LAP3: variants seen among roughly 807,000 people sequenced by gnomAD.
LAP3 encodes the protein leucine aminopeptidase 3, also known as cytosol aminopeptidase.
A neutral mutation model predicts 58.8 loss-of-function variants in LAP3; 46 were observed. The ratio of observed to expected loss-of-function variants is 0.78; its 90% CI spans 0.62 to 1.00. The LOEUF (loss-of-function observed/expected upper bound fraction) is 1.00, where lower values mean the gene tolerates loss of function less well. Among genes scored for constraint, LAP3 ranks in the 50% least tolerant of loss-of-function variants. The pLI is 0.00. For synonymous variants in LAP3, 257 were observed against 237.7 expected (o/e 1.08, Z -0.75); for missense variants, 615 against 659.1 (o/e 0.93, Z 0.73).
intron 10 of LAP3, among the ~76,000 whole-genome samples, chr4:17,601,077 C>CT: frequency 6.6e-6 from 1 of 152,270 alleles, no homozygotes; most frequent in East Asian, 1.9e-4. Flanking sequence ...CACAGTGTTT[C>CT]TTTTCATTTT....
chr4:17,578,816 G>T (rs1230712053), intron 1 of LAP3, among the ~76,000 whole-genome samples: 1 of 152,154 alleles, frequency 6.6e-6, no homozygotes, highest in Non-Finnish European at 1.5e-5. Context: ...TAGGAAGTTG[G>T]TACTTCTCTT....
intron 7 of LAP3, among the ~76,000 whole-genome samples, chr4:17,594,726 A>G (rs1713786298): frequency 6.6e-6 from 1 of 152,176 alleles, no homozygotes; most frequent in African/African-American, 2.4e-5. Flanking sequence ...CATCAGCAGG[A>G]TATAGCACAC....
chr4:17,598,539 C>T lies in LAP3; in HGVS notation c.1161C>T (p.Leu387=), dbSNP rs1341284936. 1.2e-6 allele frequency: 2 copies of T among 1,613,722 alleles called. No homozygotes were observed. Among genetic ancestry groups the T allele is most frequent in the African/African-American group, 1.3e-5 (1 of 74,900 alleles). The change falls in exon 10 of 13, where the codon CTC becomes CTT. Residue 387 remains leucine, a synonymous_variant. Coordinates refer to ENST00000226299, the MANE Select transcript of LAP3 (RefSeq NM_015907.3). ...YAHTFNPKVI[L]NAATLTGAMD... ...ACACGTTTAACCCGAAGGTCATCCTCAATGCCGCCACCTTAACAGGTCAGA... is the reference window on the plus strand; with the variant it reads ...ACACGTTTAACCCGAAGGTCATCCTTAATGCCGCCACCTTAACAGGTCAGA...
intron 9 of LAP3, among the ~76,000 whole-genome samples, chr4:17,597,508 A>T (rs1713861068): frequency 6.6e-6 from 1 of 152,142 alleles, no homozygotes; most frequent in Non-Finnish European, 1.5e-5. Flanking sequence ...GACTCAAGTG[A>T]TCTGCCCACC....
chr4:17,579,211 A>G (rs1713287341), intron 1 of LAP3, among the ~76,000 whole-genome samples: 1 of 152,162 alleles, frequency 6.6e-6, no homozygotes, highest in South Asian at 2.1e-4. Context: ...TGACTAGGAA[A>G]TCATATGGGG....
At chr4:17,582,010 G>C in intron 3 of LAP3, 196 bp downstream of exon 3, 1 of 598,108 alleles carries the variant, frequency 1.7e-6, no homozygotes, top group Non-Finnish European at 2.9e-6. Flanking sequence ...CAATCTGAAG[G>C]CTTTCTTTAT....
intron 7 of LAP3, among the ~76,000 whole-genome samples, chr4:17,589,872 G>A (rs1713635548): frequency 6.6e-6 from 1 of 152,140 alleles, no homozygotes; most frequent in Non-Finnish European, 1.5e-5. Flanking sequence ...TCTTCCCTTT[G>A]CTTGCTTCAG....
intron 9 of LAP3, 29 bp downstream of exon 9, chr4:17,597,163 C>G: frequency 6.3e-7 from 1 of 1,574,932 alleles, no homozygotes; most frequent in Non-Finnish European, 8.7e-7. Context: ...CAGCACTCCC[C>G]ATCCAGCGTT....
In LAP3 at chr4:17,604,608, G is replaced by T. The variant is rs773679297; in HGVS notation, c.1201G>T (p.Gly401Ter). ...TACAGGTGCCATGGATGTAGCTTTG[G>T]GATCAGGTGCCACTGGGGTCTTTAC... is the stretch of plus-strand genomic sequence containing the variant. ...TLTGAMDVAL[G>*]SGATGVFTNS... The change falls in exon 11 of 13, where the codon GGA becomes TGA. Residue 401 changes from glycine (G) to a stop codon, truncating the protein, a stop_gained. Transcript: ENST00000226299. LOFTEE classifies it high-confidence loss of function. 5 of 1,614,024 alleles carry T rather than the reference G, an allele frequency of 3.1e-6. No homozygotes were observed. Among genetic ancestry groups the T allele is most frequent in the Non-Finnish European group, 4.2e-6 (5 of 1,179,968 alleles).
At chr4:17,589,402 T>C (rs896724786) in intron 7 of LAP3, among the ~76,000 whole-genome samples, 2 of 152,052 alleles carry the variant, frequency 1.3e-5, no homozygotes, top group African/African-American at 4.8e-5. Flanking sequence ...TGGTTGAAGG[T>C]ATACATTACT....
chr4:17,602,476 CAGCCAATGGGACA>C (rs1714005233), intron 10 of LAP3, among the ~76,000 whole-genome samples: 2 of 152,114 alleles, frequency 1.3e-5, no homozygotes, highest in Admixed American at 1.3e-4. Flanking sequence ...AAATAGAAGT[CAGCCAATGGGACA>C]CAACTTTGTT....
chr4:17,597,161 C>T (rs1713851426), intron 9 of LAP3, 27 bp downstream of exon 9: 1 of 1,582,064 alleles, frequency 6.3e-7, no homozygotes, highest in Non-Finnish European at 8.7e-7. Flanking sequence ...CACAGCACTC[C>T]CCATCCAGCG....
At chr4:17,596,004 A>G (rs1005363836) in intron 8 of LAP3, among the ~76,000 whole-genome samples, 1 of 152,122 alleles carries the variant, frequency 6.6e-6, no homozygotes, top group African/African-American at 2.4e-5. Flanking sequence ...GGGAGTTTGT[A>G]TAATAGCATT....
At chr4:17,592,645 C>T (rs1047522688) in intron 7 of LAP3, among the ~76,000 whole-genome samples, 19 of 152,344 alleles carry the variant, frequency 1.2e-4, no homozygotes, top group South Asian at 2.1e-4. Flanking sequence ...TTTTCCAAAG[C>T]GGGTACATTT....
intron 7 of LAP3, 23 bp downstream of exon 7, chr4:17,589,000 T>C (rs1713605855): frequency 6.2e-7 from 1 of 1,603,508 alleles, no homozygotes; most frequent in Non-Finnish European, 8.5e-7. Flanking sequence ...GTGTCCGTGC[T>C]TTGTATTTTG....
At chr4:17,598,431 C>G in intron 9 of LAP3, 25 bp from the exon 10 acceptor site, 1 of 1,525,254 alleles carries the variant, frequency 6.6e-7, no homozygotes, top group South Asian at 1.1e-5. Context: ...GCGCTGTCAC[C>G]CTTTCTGTTT....
chr4:17,604,867 G>GC (rs1298343986), intron 11 of LAP3, among the ~76,000 whole-genome samples, 200 bp downstream of exon 11: 2 of 152,108 alleles, frequency 1.3e-5, no homozygotes, highest in African/African-American at 4.8e-5. Flanking sequence ...AGGGGATGAT[G>GC]CCCCCTGCTC....
At chr4:17,604,695 T>C in intron 11 of LAP3, 28 bp downstream of exon 11, 1 of 1,465,470 alleles carries the variant, frequency 6.8e-7, no homozygotes, top group Non-Finnish European at 9.6e-7. Flanking sequence ...ATATCTAAAT[T>C]GTAGAGATGG....
chr4:17,588,249 G>A (rs1172406176), intron 6 of LAP3, among the ~76,000 whole-genome samples: 1 of 151,480 alleles, frequency 6.6e-6, no homozygotes, highest in African/African-American at 2.4e-5. Flanking sequence ...TGCCTAGGCT[G>A]GTCTCAAATT....
Sources: allele counts gnomAD v4.1 joint callset (sites outside exome capture counted in the v4.1 genomes callset), GRCh38; gene constraint gnomAD v4.1.1; transcripts MANE v1.5; gene names NCBI Gene and HGNC (gene_info 2026-07-23, HGNC 2026-07-21).